Variants in CACNA1C observed in about 807,000 individuals in gnomAD.
CACNA1C encodes calcium voltage-gated channel subunit alpha1 C, also known as voltage-dependent L-type calcium channel subunit alpha-1C.
Under a neutral mutation model 229.0 loss-of-function variants are expected in CACNA1C, and 30 were observed. The observed-to-expected ratio is 0.13, with a 90% CI of 0.10 to 0.18. The LOEUF is 0.18. CACNA1C is among the 10% of genes least tolerant of loss of function. The pLI is 1.00. For synonymous variants in CACNA1C, 1,114 were observed against 1,132.5 expected (o/e 0.98, Z 0.33); for missense variants, 1,658 against 2,845.0 (o/e 0.58, Z 9.49).
In CACNA1C at chr12:2,413,217, A is replaced by G. The variant is rs1414629627; in HGVS notation, c.478-35759A>G. Among the ~76,000 whole-genome samples, 3 of 152,030 alleles carry G rather than the reference A, an allele frequency of 2.0e-5. No homozygotes were observed. The East Asian group carries it at 5.8e-4, about 29-fold the overall frequency. ...ATTTTTACTAAAGACGTGTTTCACC[A>G]TGTTGACCAGGCTGGTCTTGAACTC... On this transcript the variant is annotated intron_variant, in intron 3 of 46. Coordinates refer to ENST00000399655, the MANE Select transcript of CACNA1C (RefSeq NM_000719.7).
chr12:2,467,768 C>G lies in CACNA1C; in HGVS notation c.757+10062C>G, dbSNP rs144439392. Among the ~76,000 whole-genome samples the G allele has an allele frequency of 8.9e-4, 135 of 152,324 alleles. 2 individuals are homozygous for G. In the East Asian group the frequency reaches 0.025, roughly 28 times the overall value. On this transcript the variant is annotated intron_variant, in intron 5 of 46. Transcript: ENST00000399655. This position sits in a 1 kb window ranked among gnomAD's most constrained non-coding sequence, Gnocchi z 4.6. Reference sequence around the variant, plus strand: ...GGTCTTTCCCCTTGACTGCTGCATCCCCAGTTAAGCAACTCTCTTCCCGGC... The same window carrying G: ...GGTCTTTCCCCTTGACTGCTGCATCGCCAGTTAAGCAACTCTCTTCCCGGC...
At chr12:2,658,950 G>A (rs35862237) in intron 34 of CACNA1C, among the ~76,000 whole-genome samples, 9,943 of 151,868 alleles carry the variant, frequency 0.065, 466 homozygotes, top group Admixed American at 0.14. Flanking sequence ...TTTAAGTTGC[G>A]TTATTACAAA....
intron 3 of CACNA1C, among the ~76,000 whole-genome samples, chr12:2,309,916 C>A (rs552638993): frequency 6.6e-6 from 1 of 152,150 alleles, no homozygotes; most frequent in East Asian, 1.9e-4. Context: ...CATGAGTTTC[C>A]GAGGTTTCTT....
At chr12:2,416,113 G>T (rs908740112) in intron 3 of CACNA1C, among the ~76,000 whole-genome samples, 1 of 152,144 alleles carries the variant, frequency 6.6e-6, no homozygotes, top group South Asian at 2.1e-4. Context: ...CTCCTTCTCA[G>T]AGAGGCCTCT....
In CACNA1C at chr12:2,274,516, A is replaced by G. The variant is rs117565726; in HGVS notation, c.477+154086A>G. 9.5e-3 allele frequency among the ~76,000 whole-genome samples: 1,445 copies of G among 152,292 alleles called. 13 individuals carry two copies. The highest frequency in any genetic ancestry group is 0.014 in the Non-Finnish European group (944 of 68,000). ...TGACTGCTCTGGTGAGACTTGTGAG[A>G]GAGAACAGTGACGGTGAGCACAGCA... is the stretch of plus-strand genomic sequence containing the variant. On this transcript the variant is annotated intron_variant, in intron 3 of 46. Transcript: ENST00000399655.
At chr12:2,300,826 T>C (rs1322655629) in intron 3 of CACNA1C, among the ~76,000 whole-genome samples, 2 of 152,044 alleles carry the variant, frequency 1.3e-5, no homozygotes, top group Admixed American at 6.5e-5. Context: ...TGGAGGTGGC[T>C]GGGGGAGCCT....
At chr12:2,071,514 C>T (rs900880921) in intron 1 of CACNA1C, among the ~76,000 whole-genome samples, 1 of 152,088 alleles carries the variant, frequency 6.6e-6, no homozygotes, top group Non-Finnish European at 1.5e-5. Flanking sequence ...TGAGCTACTA[C>T]CGCTCCCAGC....
At chr12:2,613,479 A>G (rs1662226016) in intron 29 of CACNA1C, 1 of 152,236 alleles carries the variant, frequency 6.6e-6, no homozygotes, top group Non-Finnish European at 1.5e-5. Flanking sequence ...GACTTAAAAG[A>G]TAAGACAATA....
chr12:2,486,799 C>A lies in CACNA1C; in HGVS notation c.916+537C>A, dbSNP rs1031659540. The stretch of plus-strand genomic sequence containing the variant: ...CCATTCACAGGCAGATGCCCCAGAG[C>A]CCCTATTCCAGGTGGGGGAGGAGGG... On this transcript the variant is annotated intron_variant, in intron 6 of 46. Transcript: ENST00000399655. The surrounding 1 kb of genome is among the most constrained non-coding windows in gnomAD (Gnocchi z 4.9). 1.3e-5 allele frequency among the ~76,000 whole-genome samples: 2 copies of A among 152,206 alleles called. No homozygotes were observed. Among genetic ancestry groups the A allele is most frequent in the African/African-American group, 4.8e-5 (2 of 41,464 alleles).
At chr12:2,371,295 G>A (rs984766189) in intron 3 of CACNA1C, among the ~76,000 whole-genome samples, 32 of 152,122 alleles carry the variant, frequency 2.1e-4, no homozygotes, top group Admixed American at 1.6e-3. Flanking sequence ...AGGCTTCATC[G>A]GGCAGAAGTT....
intron 3 of CACNA1C, among the ~76,000 whole-genome samples, chr12:2,368,607 A>C (rs2097777578): frequency 6.6e-6 from 1 of 152,352 alleles, no homozygotes; most frequent in South Asian, 2.1e-4. Flanking sequence ...TTTAACTAAA[A>C]GATATAGAAG....
At chr12:2,323,364 A>G (rs2096117582) in intron 3 of CACNA1C, among the ~76,000 whole-genome samples, 2 of 152,170 alleles carry the variant, frequency 1.3e-5, no homozygotes, top group Admixed American at 1.3e-4. Context: ...TCTAGCCTAG[A>G]TATGCTGGGG....
At position 2,674,532 on chromosome 12, in the gene CACNA1C, G is replaced by A. The variant is rs757966245; in HGVS notation, c.4727-9G>A. The A allele has an allele frequency of 3.7e-5, 58 of 1,554,810 alleles. No individual in the cohort carries two copies. The highest frequency in any genetic ancestry group is 1.5e-4 in the East Asian group (6 of 41,284). On this transcript the variant is annotated splice_polypyrimidine_tract_variant and intron_variant, in intron 38 of 46. Transcript: ENST00000399655. ...CACCAAGGGGCTGAGGATCCTTTCC[G>A]CCCTGCAGGGAACCTAGAACAAGCC...
intron 1 of CACNA1C, chr12:1,997,789 C>T (rs1281369432): frequency 3.0e-5 from 20 of 674,890 alleles, no homozygotes; most frequent in East Asian, 1.1e-4. Context: ...TTCCCTTCTT[C>T]GTGTCAACTA....
intron 5 of CACNA1C, among the ~76,000 whole-genome samples, chr12:2,465,159 G>A (rs1308340495): frequency 1.3e-5 from 2 of 152,198 alleles, no homozygotes; most frequent in Non-Finnish European, 2.9e-5. Context: ...TCAGTTAAGT[G>A]GTAGCTGTTA....
intron 3 of CACNA1C, among the ~76,000 whole-genome samples, chr12:2,236,993 C>T (rs1310073699): frequency 6.6e-6 from 1 of 152,176 alleles, no homozygotes; most frequent in Non-Finnish European, 1.5e-5. Flanking sequence ...CCTTGTGATA[C>T]TCTTGTTCTT....
At chr12:2,051,683 A>G (rs148837343), upstream of CACNA1C, among the ~76,000 whole-genome samples, 60 of 152,314 alleles carry the variant, frequency 3.9e-4, 1 homozygote, top group South Asian at 7.9e-3. Context: ...GAAAGGAGTC[A>G]AGAGTGACTC....
rs1196668806 is a variant in CACNA1C at position 2,493,633 on chromosome 12, C to G, written c.1113+247C>G. On this transcript the variant is annotated intron_variant, in intron 7 of 46. Transcript: ENST00000399655. The surrounding 1 kb of genome is among the most constrained non-coding windows in gnomAD (Gnocchi z 4.6). Reference sequence around the variant, plus strand: ...GGAAGGTCATTTTTCCAGTGCGTCCCACAGTGCAAAACCCTGGTGTGCAGG... The same window carrying G: ...GGAAGGTCATTTTTCCAGTGCGTCCGACAGTGCAAAACCCTGGTGTGCAGG... Among the ~76,000 whole-genome samples the G allele has an allele frequency of 2.6e-5, 4 of 152,168 alleles. No individual in the cohort carries two copies. Among genetic ancestry groups the G allele is most frequent in the African/African-American group, 9.6e-5 (4 of 41,460 alleles).
At chr12:2,063,469 A>G (rs542151230) in intron 1 of CACNA1C, among the ~76,000 whole-genome samples, 3 of 152,308 alleles carry the variant, frequency 2.0e-5, no homozygotes, top group South Asian at 4.1e-4. Context: ...ATAATTCTAC[A>G]GTTGGAGTTT....
Sources: allele counts gnomAD v4.1 joint callset (sites outside exome capture counted in the v4.1 genomes callset), GRCh38; gene constraint gnomAD v4.1.1; non-coding constraint Gnocchi (gnomAD v3.1); transcripts MANE v1.5; gene names NCBI Gene and HGNC (gene_info 2026-07-23, HGNC 2026-07-21).